RTL6: variants seen among roughly 807,000 people sequenced by gnomAD.
RTL6 encodes retrotransposon Gag-like protein 6.
In RTL6, 9 loss-of-function variants were observed where a neutral mutation model predicts 12.4. The observed-to-expected ratio is 0.73, with a 90% CI of 0.44 to 1.27. The LOEUF is 1.27. Ranked by LOEUF, RTL6 falls within the 50% of genes most tolerant of loss-of-function variation. RTL6 has a pLI of 0.00. For missense variants in RTL6, 291 were observed against 330.7 expected (o/e 0.88, Z 0.93); for synonymous variants, 160 against 142.8 (o/e 1.12, Z -0.86).
At position 44,497,681 on chromosome 22, in the gene RTL6, C is replaced by G; in HGVS notation, c.-125G>C. 7.5e-7 allele frequency: 1 copy of G among 1,334,068 alleles called. No homozygotes were observed. The highest frequency in any genetic ancestry group is 1.0e-6 in the Non-Finnish European group (1 of 990,228). 82.6% of individuals were successfully genotyped at this position (1,334,068 alleles called of 1,614,324 possible). On this transcript the variant is annotated 5_prime_UTR_variant, in exon 2 of 2. Coordinates refer to ENST00000341255, the MANE Select transcript of RTL6 (RefSeq NM_032287.3). ...CGACGGCAGGGCGCTGCGAGACCCC[C>G]AAGCCGAGGGCCCGAGAGAGGGGCA...
At position 44,497,459 on chromosome 22, in the gene RTL6, C is replaced by G; in HGVS notation, c.98G>C (p.Arg33Pro). The G allele has an allele frequency of 1.2e-6, 2 of 1,614,188 alleles. No homozygotes were observed. The highest frequency in any genetic ancestry group is 1.7e-6 in the Non-Finnish European group (2 of 1,180,038). ...CCGCCTCAGCGCCGAGTTGGTGAGG[C>G]GCAGGGAGGTCAGGGTGTCAATAAC... ...DDVIDTLTSL[R>P]LTNSALRREA... Residue 33 changes from arginine (R) to proline (P), a missense_variant, in exon 2 of 2, where the codon CGC becomes CCC. Around this residue, in one of 3 missense-constraint regions of RTL6, gnomAD observed 155 missense variants for 149.2 expected, o/e 1.04. Coordinates refer to ENST00000341255, the MANE Select transcript of RTL6 (RefSeq NM_032287.3).
Position 44,497,316 on chromosome 22 carries a change from G to A in RTL6, c.241C>T (p.Pro81Ser). Residue 81 changes from proline (P) to serine (S), a missense_variant, in exon 2 of 2, where the codon CCG becomes TCG. By Grantham distance (74) the Pro-to-Ser change is moderately conservative. Transcript: ENST00000341255. The part of the protein sequence containing the change: ...ARIPGALQIT[P>S]PISSITSNGT... ...TTTGAAGTAATTGAGGAGATGGGCG[G>A]GGTGATCTGCAGAGCCCCCGGGATC... 1 of 1,613,878 alleles carries A rather than the reference G, an allele frequency of 6.2e-7. No homozygotes were observed. The highest frequency in any genetic ancestry group is 8.5e-7 in the Non-Finnish European group (1 of 1,179,754).
In RTL6 at chr22:44,497,099, A is replaced by G; in HGVS notation, c.458T>C (p.Ile153Thr). Residue 153 changes from isoleucine (I) to threonine (T), a missense_variant, in exon 2 of 2, where the codon ATC becomes ACC. By Grantham distance (89) the Ile-to-Thr change is moderately conservative (BLOSUM62 -1). Transcript: ENST00000341255. ...GGGGCTGTCAGGTTGCATGTGGGGG[A>G]TAGCCCACTTCTCCGCCTCCCCAGT... ...RLTGEAEKWA[I>T]PHMQPDSPLR... The G allele has an allele frequency of 6.2e-7, 1 of 1,614,160 alleles. No homozygotes were observed. Among genetic ancestry groups the G allele is most frequent in the Non-Finnish European group, 8.5e-7 (1 of 1,180,016 alleles).
chr22:44,492,745 G>A lies in RTL6; in HGVS notation c.*4092C>T, dbSNP rs984131656. 5 of 152,210 alleles carry A rather than the reference G, an allele frequency of 3.3e-5. No homozygotes were observed. The highest frequency in any genetic ancestry group is 4.8e-5 in the African/African-American group (2 of 41,458). The allele number at this position is 152,210 out of a possible 1,614,324, so 9.4% of individuals were successfully genotyped here. On this transcript the variant is annotated 3_prime_UTR_variant, in exon 2 of 2. Transcript: ENST00000341255. ...GCTAGAAGTCAGTGAAATGCCAACT[G>A]AAACACGATGCTATTTTTTCATTAT...
Position 44,497,807 on chromosome 22 carries a change from G to A in RTL6, c.-251C>T, listed in dbSNP as rs1924499610. 1.9e-6 allele frequency: 1 copy of A among 528,852 alleles called. No homozygotes were observed. The highest frequency in any genetic ancestry group is 2.8e-5 in the South Asian group (1 of 35,600). The allele number at this position is 528,852 out of a possible 1,614,324, so 32.8% of individuals were successfully genotyped here. On this transcript the variant is annotated 5_prime_UTR_variant, in exon 2 of 2. Transcript: ENST00000341255. ...CCAGACGGGTGGCTGGACCTGCTCT[G>A]GGCCCTGGAGGATTAAGAAAAGATG...
rs1189746386 is a variant in RTL6, at chr22:44,493,221, T to G, written c.*3616A>C. ...AAAACAAAAAGCAAAGAAACCATAG[T>G]TGGGGGGGAAAGCCTGAGAGACACC... is the stretch of plus-strand genomic sequence containing the variant. On this transcript the variant is annotated 3_prime_UTR_variant, in exon 2 of 2. Coordinates refer to ENST00000341255, the MANE Select transcript of RTL6 (RefSeq NM_032287.3). 6.6e-6 allele frequency: 1 copy of G among 152,052 alleles called. No homozygotes were observed. The highest frequency in any genetic ancestry group is 6.6e-5 in the Admixed American group (1 of 15,266). The allele number at this position is 152,052 out of a possible 1,614,324, so 9.4% of individuals were successfully genotyped here.
rs1302552407 is a variant in RTL6, at chr22:44,493,592, C to G, written c.*3245G>C. The G allele has an allele frequency of 6.6e-6, 1 of 152,310 alleles. No homozygotes were observed. The highest frequency in any genetic ancestry group is 1.5e-5 in the Non-Finnish European group (1 of 68,154). 9.4% of individuals were successfully genotyped at this position (152,310 alleles called of 1,614,324 possible). A position where few individuals can be genotyped will look rare whatever the true frequency, so the allele number is the denominator to read the frequency against. ...ACCCAGGAGACCCACCTTGTGCCTACCTCTCTAAGTCCCTAAACCAGTGCT... is the reference window on the plus strand; with the variant it reads ...ACCCAGGAGACCCACCTTGTGCCTAGCTCTCTAAGTCCCTAAACCAGTGCT... On this transcript the variant is annotated 3_prime_UTR_variant, in exon 2 of 2. Coordinates refer to ENST00000341255, the MANE Select transcript of RTL6 (RefSeq NM_032287.3).
rs768244496 is a variant in RTL6, at chr22:44,497,522, G to C, written c.35C>G (p.Pro12Arg). The C allele has an allele frequency of 3.1e-6, 5 of 1,614,076 alleles. No individual in the cohort carries two copies. The highest frequency in any genetic ancestry group is 3.4e-6 in the Non-Finnish European group (4 of 1,180,028). Residue 12 changes from proline (P) to arginine (R), a missense_variant, in exon 2 of 2, where the codon CCA (proline) becomes CGA (arginine). Transcript: ENST00000341255. ...GGCATTCGGAGACGCTGCCAAGGCTGGGCTTTCAGCTTTGGACGTCTGCGG... is the reference window on the plus strand; with the variant it reads ...GGCATTCGGAGACGCTGCCAAGGCTCGGCTTTCAGCTTTGGACGTCTGCGG... ...VQPQTSKAESPALAASPNAQM... is the reference protein window; with the variant it reads ...VQPQTSKAESRALAASPNAQM...
rs1232949334 is a variant in RTL6 at position 44,498,212 on chromosome 22, G to T, written c.-424C>A. The stretch of plus-strand genomic sequence containing the variant: ...TGGCGATGGCGGCGGGCGGCCTCCG[G>T]CAGGTGCAGGGACCGGGCCAGGCCG... On this transcript the variant is annotated 5_prime_UTR_variant, in exon 1 of 2. Coordinates refer to ENST00000341255, the MANE Select transcript of RTL6 (RefSeq NM_032287.3). 1 of 151,720 alleles carries T rather than the reference G, an allele frequency of 6.6e-6. No individual in the cohort carries two copies. The highest frequency in any genetic ancestry group is 1.5e-5 in the Non-Finnish European group (1 of 67,724). 9.4% of individuals were successfully genotyped at this position (151,720 alleles called of 1,614,324 possible).
In RTL6 at chr22:44,494,965, C is replaced by G. The variant is rs131154; in HGVS notation, c.*1872G>C. The stretch of plus-strand genomic sequence containing the variant: ...ACCAATATAGCTGCTGGAGACAGAA[C>G]AGAACTGAGCACAAAGAGAAAGTGA... On this transcript the variant is annotated 3_prime_UTR_variant, in exon 2 of 2. Coordinates refer to ENST00000341255, the MANE Select transcript of RTL6 (RefSeq NM_032287.3). 0.5 allele frequency: 75,817 copies of G among 152,478 alleles called. 19,021 individuals are homozygous for G. The highest frequency in any genetic ancestry group is 0.52 in the Non-Finnish European group (35,397 of 67,976). 9.4% of individuals were successfully genotyped at this position (152,478 alleles called of 1,614,324 possible). A position where few individuals can be genotyped will look rare whatever the true frequency, so the allele number is the denominator to read the frequency against.
rs1260647926 is a variant in RTL6, at chr22:44,497,558, C to G, written c.-2G>C. On this transcript the variant is annotated 5_prime_UTR_variant, in exon 2 of 2. Coordinates refer to ENST00000341255, the MANE Select transcript of RTL6 (RefSeq NM_032287.3). ...TTTGGACGTCTGCGGCTGCACCATG[C>G]TGGCCAGAGGTCAGCCACACGCTGA... 6.2e-7 allele frequency: 1 copy of G among 1,612,786 alleles called. No homozygotes were observed. Among genetic ancestry groups the G allele is most frequent in the Admixed American group, 1.7e-5 (1 of 59,934 alleles).
Position 44,497,402 on chromosome 22 carries a change from T to C in RTL6, c.155A>G (p.Asn52Ser), listed in dbSNP as rs140944878. 1.9e-5 allele frequency: 30 copies of C among 1,613,934 alleles called. No homozygotes were observed. The African/African-American group carries it at 2.1e-4, about 11-fold the overall frequency. ...EASTLRAEKA[N>S]LTNMLESVMA... The stretch of plus-strand genomic sequence containing the variant: ...CACGCTCTCCAGCATGTTGGTGAGA[T>C]TGGCCTTCTCCGCCCGCAGGGTGGA... Residue 52 changes from asparagine (N) to serine (S), a missense_variant, in exon 2 of 2, where the codon AAT becomes AGT. This residue lies in a region of RTL6 where 155 missense variants were observed against 149.2 expected (regional missense o/e 1.04). Coordinates refer to ENST00000341255, the MANE Select transcript of RTL6 (RefSeq NM_032287.3).
In RTL6 at chr22:44,496,754, C is replaced by T. The variant is rs1156898735; in HGVS notation, c.*83G>A. The T allele has an allele frequency of 1.4e-6, 2 of 1,473,594 alleles. No homozygotes were observed. The highest frequency in any genetic ancestry group is 4.6e-5 in the East Asian group (2 of 43,568). 91.3% of individuals were successfully genotyped at this position (1,473,594 alleles called of 1,614,324 possible). A position where few individuals can be genotyped will look rare whatever the true frequency, so the allele number is the denominator to read the frequency against. On this transcript the variant is annotated 3_prime_UTR_variant, in exon 2 of 2. Transcript: ENST00000341255. ...GGGAGGTCTTCAAACAGGGGCAAAG[C>T]TGTCGTATGGGCATTTCTTCTACAC... is the stretch of plus-strand genomic sequence containing the variant.
At position 44,493,928 on chromosome 22, in the gene RTL6, T is replaced by C. The variant is rs1260574363; in HGVS notation, c.*2909A>G. ...CTTTCTGGGTTTTGTTTTCCACTCC[T>C]CCTCATTGCTCATCACATACTTACC... is the stretch of plus-strand genomic sequence containing the variant. On this transcript the variant is annotated 3_prime_UTR_variant, in exon 2 of 2. Transcript: ENST00000341255. 1.3e-5 allele frequency: 2 copies of C among 152,238 alleles called. No individual in the cohort carries two copies. The highest frequency in any genetic ancestry group is 2.4e-5 in the African/African-American group (1 of 41,440). 9.4% of individuals were successfully genotyped at this position (152,238 alleles called of 1,614,324 possible). A position where few individuals can be genotyped will look rare whatever the true frequency, so the allele number is the denominator to read the frequency against.
rs962818678 is a variant in RTL6 at position 44,497,260 on chromosome 22, G to T, written c.297C>A (p.Thr99=). 1.9e-6 allele frequency: 3 copies of T among 1,614,148 alleles called. No homozygotes were observed. The highest frequency in any genetic ancestry group is 1.7e-5 in the Admixed American group (1 of 60,016). Residue 99 remains threonine, a synonymous_variant, in exon 2 of 2, where the codon ACC becomes ACA. Coordinates refer to ENST00000341255, the MANE Select transcript of RTL6 (RefSeq NM_032287.3). ...CCCCGGAAAAGGGCTCGGGCAGAGAGGTTGGAGGTGTGGTCATGGGTCGAG... is the reference window on the plus strand; with the variant it reads ...CCCCGGAAAAGGGCTCGGGCAGAGATGTTGGAGGTGTGGTCATGGGTCGAG... ...NGTRPMTTPP[T]SLPEPFSGDP... is the part of the protein sequence containing the mutation.
At position 44,496,178 on chromosome 22, in the gene RTL6, G is replaced by A. The variant is rs131162; in HGVS notation, c.*659C>T. ...ATTGGTCCTTCCCAGTGAGAGCAGT[G>A]GGGCCTCCCAGACTGCATATTCATG... On this transcript the variant is annotated 3_prime_UTR_variant, in exon 2 of 2. Transcript: ENST00000341255. 0.3 allele frequency: 45,730 copies of A among 152,276 alleles called. 7,845 individuals carry two copies. Among genetic ancestry groups the A allele is most frequent in the South Asian group, 0.4 (1,939 of 4,822 alleles). 9.4% of individuals were successfully genotyped at this position (152,276 alleles called of 1,614,324 possible). A position where few individuals can be genotyped will look rare whatever the true frequency, so the allele number is the denominator to read the frequency against.
rs767755798 is a variant in RTL6, at chr22:44,497,232, G to A, written c.325C>T (p.Pro109Ser). The change falls in exon 2 of 2, where the codon CCA (proline) becomes TCA (serine). Residue 109 changes from proline to serine, a missense_variant. By Grantham distance (74) the Pro-to-Ser change is moderately conservative. Around this residue, in one of 3 missense-constraint regions of RTL6, gnomAD observed 155 missense variants for 149.2 expected, o/e 1.04. Coordinates refer to ENST00000341255, the MANE Select transcript of RTL6 (RefSeq NM_032287.3). ...TSLPEPFSGD[P>S]GRLAGFLMQM... is the part of the protein sequence containing the mutation. The stretch of plus-strand genomic sequence containing the variant: ...ATCAGGAACCCCGCCAACCGGCCTG[G>A]GTCCCCGGAAAAGGGCTCGGGCAGA... 1 of 1,614,080 alleles carries A rather than the reference G, an allele frequency of 6.2e-7. No homozygotes were observed. Among genetic ancestry groups the A allele is most frequent in the Non-Finnish European group, 8.5e-7 (1 of 1,180,010 alleles).
In RTL6 at chr22:44,497,351, G is replaced by A. The variant is rs1300805786; in HGVS notation, c.206C>T (p.Thr69Ile). 1 of 1,612,664 alleles carries A rather than the reference G, an allele frequency of 6.2e-7. No homozygotes were observed. The highest frequency in any genetic ancestry group is 8.5e-7 in the Non-Finnish European group (1 of 1,178,926). ...SVMAELTLLR[T>I]RARIPGALQI... ...CAGAGCCCCCGGGATCCGCGCCCTG[G>A]TGCGTAACAAGGTCAGCTCTGCCAT... Residue 69 changes from threonine to isoleucine, a missense_variant, in exon 2 of 2, where the codon ACC (threonine) becomes ATC (isoleucine). Physicochemically the swap from Thr to Ile is moderately conservative, Grantham distance 89 (BLOSUM62 -1). This residue lies in a region of RTL6 where 155 missense variants were observed against 149.2 expected (regional missense o/e 1.04). Transcript: ENST00000341255.
rs749997399 is a variant in RTL6 at position 44,497,075 on chromosome 22, G to A, written c.482C>T (p.Pro161Leu). 1.2e-6 allele frequency: 2 copies of A among 1,614,192 alleles called. No individual in the cohort carries two copies. Among genetic ancestry groups the A allele is most frequent in the South Asian group, 2.2e-5 (2 of 91,088 alleles). Residue 161 changes from proline to leucine, a missense_variant, in exon 2 of 2, where the codon CCC (proline) becomes CTC (leucine). Around this residue, in one of 3 missense-constraint regions of RTL6, gnomAD observed 132 missense variants for 163.9 expected, o/e 0.81. Transcript: ENST00000341255. The part of the protein sequence containing the change: ...WAIPHMQPDS[P>L]LRNNYQGFLA... ...GAACCCCTGATAGTTGTTGCGCAAG[G>A]GGCTGTCAGGTTGCATGTGGGGGAT...
Sources: allele counts gnomAD v4.1 joint callset, GRCh38; gene constraint gnomAD v4.1.1; regional missense constraint gnomAD v4.1.1; transcripts MANE v1.5; gene names NCBI Gene and HGNC (gene_info 2026-07-23, HGNC 2026-07-21).